The following CNBD1 variants were observed in gnomAD, a reference collection of about 807,000 sequenced individuals.
The protein encoded by CNBD1 is cyclic nucleotide binding domain containing 1.
In CNBD1, 71 loss-of-function variants were observed where a neutral mutation model predicts 54.4. The observed-to-expected ratio is 1.30, with a 90% CI of 1.08 to 1.59. The LOEUF (loss-of-function observed/expected upper bound fraction) is 1.59, where lower values mean the gene tolerates loss of function less well. Ranked by LOEUF, CNBD1 falls within the 40% of genes most tolerant of loss-of-function variation. The probability of loss-of-function intolerance (pLI) is 0.00; values close to 1 mark genes in which losing one functional copy is unlikely to be tolerated. For missense variants in CNBD1, 659 were observed against 518.0 expected (o/e 1.27, Z -2.64); for synonymous variants, 182 against 170.7 (o/e 1.07, Z -0.51).
intron 4 of CNBD1, among the ~76,000 whole-genome samples, chr8:87,137,262 T>A (rs757377079): frequency 4.0e-5 from 6 of 149,794 alleles, no homozygotes; most frequent in Non-Finnish European, 7.4e-5. Context: ...AGTGGCTCTA[T>A]CTTGGCTAAC....
chr8:87,113,909 T>C (rs1811717294), intron 4 of CNBD1, among the ~76,000 whole-genome samples: 1 of 149,684 alleles, frequency 6.7e-6, no homozygotes, highest in Admixed American at 6.6e-5. Flanking sequence ...ACAGTGAGAC[T>C]CTGTCTCAAA....
chr8:87,387,900 A>T (rs892971866), intron 2 of CNBD1, among the ~76,000 whole-genome samples: 22 of 152,110 alleles, frequency 1.4e-4, no homozygotes, highest in Non-Finnish European at 2.8e-4. Context: ...ATTATAACAA[A>T]CTGTCTCTCA....
chr8:87,418,579 C>A (rs1447557384), intron 2 of CNBD1, among the ~76,000 whole-genome samples: 1 of 151,426 alleles, frequency 6.6e-6, no homozygotes, highest in Non-Finnish European at 1.5e-5. Context: ...AGATGACCTA[C>A]AAAAAAGGAA....
intron 4 of CNBD1, among the ~76,000 whole-genome samples, chr8:87,105,241 C>T (rs1234997167): frequency 1.3e-5 from 2 of 152,062 alleles, no homozygotes; most frequent in African/African-American, 2.4e-5. Flanking sequence ...GTAATTAATA[C>T]ACTTCTTTTT....
intron 2 of CNBD1, among the ~76,000 whole-genome samples, chr8:87,413,551 TGTTTGTTTG>T (rs1408794370): frequency 6.6e-6 from 1 of 152,080 alleles, no homozygotes; most frequent in Non-Finnish European, 1.5e-5. Flanking sequence ...TCTTCTTTTT[TGTTTGTTTG>T]GTTTTATTTA....
chr8:86,919,892 T>C (rs2131823428), intron 3 of CNBD1, among the ~76,000 whole-genome samples: 1 of 152,240 alleles, frequency 6.6e-6, no homozygotes, highest in African/African-American at 2.4e-5. Context: ...GTCTTGAGTG[T>C]GGCCTGAGAT....
intron 10 of CNBD1, among the ~76,000 whole-genome samples, chr8:87,354,518 T>G (rs1810381865): frequency 6.6e-6 from 1 of 152,046 alleles, no homozygotes; most frequent in Admixed American, 6.6e-5. Flanking sequence ...AACTCGTCAT[T>G]TAGCATTAGG....
At chr8:87,015,915 AG>A (rs1264972199) in intron 4 of CNBD1, among the ~76,000 whole-genome samples, 4 of 130,808 alleles carry the variant, frequency 3.1e-5, no homozygotes. Flanking sequence ...CAGGAGGCAG[AG>A]GTTGCAGCAA....
At chr8:86,993,954 A>C (rs933367045) in intron 4 of CNBD1, among the ~76,000 whole-genome samples, 1 of 152,032 alleles carries the variant, frequency 6.6e-6, no homozygotes, top group Non-Finnish European at 1.5e-5. Context: ...CCTTTGTTAG[A>C]TGTTCTGGAC....
At chr8:87,033,459 G>T (rs1468047025) in intron 4 of CNBD1, among the ~76,000 whole-genome samples, 2 of 152,164 alleles carry the variant, frequency 1.3e-5, no homozygotes, top group Admixed American at 6.5e-5. Context: ...CAGAAAAAGT[G>T]TTCTTGTTGT....
intron 8 of CNBD1, among the ~76,000 whole-genome samples, chr8:87,321,724 T>C (rs1052416249): frequency 1.3e-5 from 2 of 152,128 alleles, no homozygotes; most frequent in Non-Finnish European, 2.9e-5. Flanking sequence ...TTTTGCTTTT[T>C]TGTGCCTGTG....
chr8:86,896,508 A>T (rs1411793119), intron 2 of CNBD1, among the ~76,000 whole-genome samples: 2 of 152,190 alleles, frequency 1.3e-5, no homozygotes, highest in East Asian at 3.8e-4. Context: ...TTCAGTGTAC[A>T]GATCTTTCAC....
chr8:87,162,869 A>G (rs1374753852), intron 4 of CNBD1, among the ~76,000 whole-genome samples: 1 of 151,956 alleles, frequency 6.6e-6, no homozygotes, highest in Non-Finnish European at 1.5e-5. Context: ...AAGAAGAGAG[A>G]CCTTTAAGAG....
chr8:87,060,872 G>A (rs1810529618), intron 4 of CNBD1, among the ~76,000 whole-genome samples: 1 of 152,022 alleles, frequency 6.6e-6, no homozygotes, highest in African/African-American at 2.4e-5. Flanking sequence ...AATGCAACTA[G>A]TAATTGTTAT....
intron 4 of CNBD1, among the ~76,000 whole-genome samples, chr8:86,950,344 A>G (rs1360270999): frequency 6.6e-6 from 1 of 152,156 alleles, no homozygotes; most frequent in Non-Finnish European, 1.5e-5. Flanking sequence ...CTGGAATTAC[A>G]GGCATGAGCC....
chr8:87,428,315 G>T (rs925909691), intron 2 of CNBD1, among the ~76,000 whole-genome samples: 5 of 152,058 alleles, frequency 3.3e-5, no homozygotes, highest in Non-Finnish European at 2.9e-5. Flanking sequence ...TCCAAATTCT[G>T]AATATAAAGT....
chr8:87,381,372 CAAAAG>C (rs1336486435), intron 10 of CNBD1, among the ~76,000 whole-genome samples: 3 of 151,892 alleles, frequency 2.0e-5, no homozygotes, highest in East Asian at 1.9e-4. Context: ...TTTAAAAACA[CAAAAG>C]AGAAGTGTTG....
chr8:87,140,396 G>T (rs1401661438), intron 4 of CNBD1, among the ~76,000 whole-genome samples: 1 of 152,068 alleles, frequency 6.6e-6, no homozygotes, highest in Non-Finnish European at 1.5e-5. Flanking sequence ...ATTTATTATT[G>T]TGACCTGAAA....
In CNBD1 at chr8:87,066,181, A is replaced by C. The variant is rs1423709026; in HGVS notation, c.431+126427A>C. On this transcript the variant is annotated intron_variant, in intron 4 of 10. Transcript: ENST00000518476. ...CAGTGTATCAATGTATAATTTAAAA[A>C]ATTAAGCTATCCTGAACATTGGAAG... Among the ~76,000 whole-genome samples, 3 of 152,012 alleles carry C rather than the reference A, an allele frequency of 2.0e-5. No individual in the cohort carries two copies. In the East Asian group the frequency reaches 5.8e-4, roughly 29 times the overall value.
Sources: gnomAD v4.1 joint callset for allele counts (sites outside exome capture counted in the v4.1 genomes callset) on GRCh38, gnomAD v4.1.1 for gene constraint, MANE v1.5 for transcripts, NCBI Gene and HGNC (gene_info 2026-07-23, HGNC 2026-07-21) for gene names.